Variants in STK35 observed in about 807,000 individuals in gnomAD.
The protein encoded by STK35 is serine/threonine-protein kinase 35.
A neutral mutation model predicts 37.3 loss-of-function variants in STK35; 17 were observed. That is an observed-to-expected ratio of 0.46 (90% CI 0.31 to 0.68). The LOEUF (loss-of-function observed/expected upper bound fraction) is 0.68, where lower values mean the gene tolerates loss of function less well. Ranked by LOEUF, STK35 falls within the 30% of genes least tolerant of loss-of-function variation. STK35 has a pLI of 0.05. For missense variants in STK35, 595 were observed against 746.7 expected (o/e 0.80, Z 2.37); for synonymous variants, 385 against 319.1 (o/e 1.21, Z -2.20).
chr20:2,126,267 ATG>A (rs1985904767), intron 3 of STK35, among the ~76,000 whole-genome samples: 1 of 152,166 alleles, frequency 6.6e-6, no homozygotes, highest in Non-Finnish European at 1.5e-5. Context: ...AGACCCCAAT[ATG>A]GTCTCCTAGG....
chr20:2,108,158 C>G (rs1324069113), intron 2 of STK35, among the ~76,000 whole-genome samples: 1 of 152,164 alleles, frequency 6.6e-6, no homozygotes, highest in African/African-American at 2.4e-5. Context: ...AGCTTAAGTT[C>G]TAGGTTCTTC....
In STK35 at chr20:2,103,893, C is replaced by T. The variant is rs184019369; in HGVS notation, c.892+528C>T. Among the ~76,000 whole-genome samples, 11 of 152,252 alleles carry T rather than the reference C, an allele frequency of 7.2e-5. No individual in the cohort carries two copies. The East Asian group carries it at 2.1e-3, about 29-fold the overall frequency. ...TCCTCGTCTGCCTTTTCCTCTGAGGCCCCCGGCCCTTCATCCCAGGCAGCC... is the reference window on the plus strand; with the variant it reads ...TCCTCGTCTGCCTTTTCCTCTGAGGTCCCCGGCCCTTCATCCCAGGCAGCC... On this transcript the variant is annotated intron_variant, in intron 2 of 3. Transcript: ENST00000381482.
At position 2,102,930 on chromosome 20, in the gene STK35, C is replaced by T. The variant is rs767719042; in HGVS notation, c.457C>T (p.Arg153Ter). 1.6e-5 allele frequency: 25 copies of T among 1,538,276 alleles called. No homozygotes were observed. Among genetic ancestry groups the T allele is most frequent in the Non-Finnish European group, 5.2e-6 (6 of 1,151,050 alleles). ...RGTQSPERKRRSPVPRAPSTK... is the reference protein window; with the variant it reads ...RGTQSPERKR Reference sequence around the variant, plus strand: ...TACACAAAGCCCGGAGCGGAAAAGGCGAAGCCCAGTGCCGCGGGCGCCCAG... The same window carrying T: ...TACACAAAGCCCGGAGCGGAAAAGGTGAAGCCCAGTGCCGCGGGCGCCCAG... Residue 153 changes from arginine (R) to a stop codon, truncating the protein, a stop_gained, in exon 2 of 4, where the codon CGA becomes TGA. Coordinates refer to ENST00000381482, the MANE Select transcript of STK35 (RefSeq NM_080836.4). LOFTEE classifies it high-confidence loss of function.
chr20:2,126,140 T>C (rs1033462159), intron 3 of STK35, among the ~76,000 whole-genome samples: 12 of 152,214 alleles, frequency 7.9e-5, no homozygotes, highest in Non-Finnish European at 1.5e-4. Context: ...AGGGATTCCG[T>C]CACTCATGCT....
intron 2 of STK35, among the ~76,000 whole-genome samples, chr20:2,116,302 A>G (rs1036468194): frequency 4.6e-5 from 7 of 152,210 alleles, no homozygotes; most frequent in African/African-American, 1.7e-4. Context: ...ATTAGAAGCA[A>G]CAGACCCGTG....
At chr20:2,114,984 G>A (rs911774326) in intron 2 of STK35, among the ~76,000 whole-genome samples, 2 of 152,114 alleles carry the variant, frequency 1.3e-5, no homozygotes, top group Non-Finnish European at 2.9e-5. Flanking sequence ...ATGCTTCATT[G>A]TGCAGTATTT....
rs1432296043 is a variant in STK35 at position 2,101,972 on chromosome 20, C to T, written c.91C>T (p.His31Tyr). ...RLCKGLSWRE[H>Y]VESHGSLGAQ... ...ATGTAAAGGGCTCAGCTGGCGCGAA[C>T]ACGTGGAAAGCCACGGGAGCCTAGG... Residue 31 changes from histidine (H) to tyrosine (Y), a missense_variant, in exon 1 of 4, where the codon CAC becomes TAC. His to Tyr is a moderately conservative substitution (Grantham distance 83). Transcript: ENST00000381482. 7 of 1,523,628 alleles carry T rather than the reference C, an allele frequency of 4.6e-6. No homozygotes were observed. The East Asian group carries it at 1.5e-4, about 32-fold the overall frequency. The allele number at this position is 1,523,628 out of a possible 1,614,324, so 94.4% of individuals were successfully genotyped here. A position where few individuals can be genotyped will look rare whatever the true frequency, so the allele number is the denominator to read the frequency against.
In STK35 at chr20:2,143,970, TC is replaced by T. The variant is rs397865864; in HGVS notation, c.*226del. On this transcript the variant is annotated 3_prime_UTR_variant, in exon 4 of 4. Transcript: ENST00000381482. ...TTCCTTTTCTTTTCTTTTTTTTTTT[TC>T]CTCTTTCCTTTTTTTAAATTTAAAC... 0.25 allele frequency: 95,964 copies of T among 380,514 alleles called. 9,383 individuals are homozygous for T. The highest frequency in any genetic ancestry group is 0.68 in the East Asian group (8,008 of 11,784). The allele number at this position is 380,514 out of a possible 1,614,324, so 23.6% of individuals were successfully genotyped here. A position where few individuals can be genotyped will look rare whatever the true frequency, so the allele number is the denominator to read the frequency against.
At chr20:2,115,891 T>C (rs887900101) in intron 2 of STK35, among the ~76,000 whole-genome samples, 1 of 152,076 alleles carries the variant, frequency 6.6e-6, no homozygotes, top group African/African-American at 2.4e-5. Context: ...ATCTGGCCAC[T>C]CCTGCCCCCC....
rs1245156451 is a variant in STK35, at chr20:2,116,910, G to A, written c.1137G>A (p.Val379=). 1 of 1,614,166 alleles carries A rather than the reference G, an allele frequency of 6.2e-7. No homozygotes were observed. The highest frequency in any genetic ancestry group is 8.5e-7 in the Non-Finnish European group (1 of 1,180,040). ...GGTCTGGCACCCCCATCCTCAAAGTGGCCGACTTTGGACTAAGCAAGGTCT... is the reference window on the plus strand; with the variant it reads ...GGTCTGGCACCCCCATCCTCAAAGTAGCCGACTTTGGACTAAGCAAGGTCT... The part of the protein sequence containing the change: ...TERSGTPILK[V]ADFGLSKVCA... The change falls in exon 3 of 4, where the codon GTG becomes GTA. Residue 379 remains valine (V), a synonymous_variant. Coordinates refer to ENST00000381482, the MANE Select transcript of STK35 (RefSeq NM_080836.4).
chr20:2,128,060 T>A (rs931774876), intron 3 of STK35, among the ~76,000 whole-genome samples: 1 of 152,154 alleles, frequency 6.6e-6, no homozygotes, highest in Admixed American at 6.5e-5. Flanking sequence ...GTTCTCAGGA[T>A]GTGGTTCCCA....
intron 2 of STK35, among the ~76,000 whole-genome samples, chr20:2,111,125 C>T (rs1600601393): frequency 1.3e-5 from 2 of 152,208 alleles, no homozygotes; most frequent in East Asian, 3.8e-4. Context: ...ATCCTCTTCT[C>T]ACCTCCTCCC....
At chr20:2,119,982 A>T (rs7266553) in intron 3 of STK35, among the ~76,000 whole-genome samples, 49,104 of 152,110 alleles carry the variant, frequency 0.32, 8,358 homozygotes, top group Non-Finnish European at 0.39. Context: ...AATTGGGCCT[A>T]CCACCCGTGG....
At chr20:2,130,453 A>G (rs1463169815) in intron 3 of STK35, among the ~76,000 whole-genome samples, 1 of 152,090 alleles carries the variant, frequency 6.6e-6, no homozygotes, top group East Asian at 1.9e-4. Context: ...TTGTGTTTCA[A>G]GAACATGGCG....
intron 2 of STK35, among the ~76,000 whole-genome samples, chr20:2,111,091 TCC>T (rs753068866): frequency 1.3e-5 from 2 of 152,204 alleles, no homozygotes; most frequent in Non-Finnish European, 2.9e-5. Context: ...ATCTTATTTA[TCC>T]TAAACTTCTA....
intron 2 of STK35, among the ~76,000 whole-genome samples, chr20:2,109,708 G>T (rs1191676730): frequency 6.6e-6 from 1 of 152,242 alleles, no homozygotes; most frequent in Non-Finnish European, 1.5e-5. Context: ...CTGCTCTAGT[G>T]TCCAGGCACC....
rs1414963675 is a variant in STK35 at position 2,117,484 on chromosome 20, GGGGTGCAGC to G, written c.*37+78_*37+86del. 5.8e-6 allele frequency: 5 copies of G among 856,036 alleles called. No individual in the cohort carries two copies. The African/African-American group carries it at 6.8e-5, about 12-fold the overall frequency. The allele number at this position is 856,036 out of a possible 1,614,324, so 53.0% of individuals were successfully genotyped here. ...AGGGTCTCACTCTGTTGGTCAGGCT[GGGGTGCAGC>G]GGGTGCAGTGGCAGGATCTCAGCTC... On this transcript the variant is annotated intron_variant, in intron 3 of 3. Coordinates refer to ENST00000381482, the MANE Select transcript of STK35 (RefSeq NM_080836.4). This position sits in a 1 kb window ranked among gnomAD's most constrained non-coding sequence, Gnocchi z 4.4.
intron 3 of STK35, among the ~76,000 whole-genome samples, chr20:2,137,533 T>G (rs1164655755): frequency 6.6e-6 from 1 of 152,250 alleles, no homozygotes; most frequent in Non-Finnish European, 1.5e-5. Context: ...TTGTATAATC[T>G]CTGCCCTCTT....
intron 3 of STK35, among the ~76,000 whole-genome samples, chr20:2,135,007 G>T (rs1568581478): frequency 6.6e-6 from 1 of 152,194 alleles, no homozygotes; most frequent in African/African-American, 2.4e-5. Flanking sequence ...GAACCCCTGT[G>T]CTGGCCCCAG....
Sources: allele counts gnomAD v4.1 joint callset (sites outside exome capture counted in the v4.1 genomes callset), GRCh38; gene constraint gnomAD v4.1.1; non-coding constraint Gnocchi (gnomAD v3.1); transcripts MANE v1.5; gene names NCBI Gene and HGNC (gene_info 2026-07-23, HGNC 2026-07-21).